The following PCDHGA2 variants were observed in gnomAD, a reference collection of about 807,000 sequenced individuals.
PCDHGA2 encodes protocadherin gamma-A2.
PCDHGA2 carries 40 observed loss-of-function variants against 59.2 expected under a neutral mutation model. The observed-to-expected ratio is 0.68, with a 90% CI of 0.52 to 0.88. The LOEUF is 0.88. Ranked by LOEUF, PCDHGA2 falls within the 40% of genes least tolerant of loss-of-function variation. The pLI is 0.00. For synonymous variants in PCDHGA2, 560 were observed against 526.0 expected, an observed-to-expected ratio of 1.06 and a Z score of -0.89; for missense variants, 1,226 against 1,204.0, an observed-to-expected ratio of 1.02 and a Z score of -0.27.
chr5:141,351,658 C>T, intron 1 of PCDHGA2: 2 of 1,614,064 alleles, frequency 1.2e-6, no homozygotes, highest in Non-Finnish European at 1.7e-6. Flanking sequence ...CTGGCGCCTC[C>T]ATTGCACAAG....
intron 1 of PCDHGA2, among the ~76,000 whole-genome samples, chr5:141,474,089 CAAACAACAACAA>C (rs985204397): frequency 3.3e-5 from 5 of 152,116 alleles, no homozygotes; most frequent in Admixed American, 2.0e-4. Flanking sequence ...AACCAAAAAA[CAAACAACAACAA>C]AAACAACAAC....
intron 1 of PCDHGA2, chr5:141,365,787 G>A (rs1764122554): frequency 1.2e-6 from 2 of 1,613,864 alleles, no homozygotes; most frequent in Middle Eastern, 1.6e-4. Context: ...GACAACGCTC[G>A]AGTCACCTAC....
At chr5:141,492,312 C>T (rs1470136040) in intron 1 of PCDHGA2, among the ~76,000 whole-genome samples, 2 of 152,348 alleles carry the variant, frequency 1.3e-5, no homozygotes, top group African/African-American at 4.8e-5. Flanking sequence ...CGCACGCACT[C>T]CTCGCACGTG....
intron 1 of PCDHGA2, among the ~76,000 whole-genome samples, chr5:141,368,537 T>C (rs1023071907): frequency 6.6e-6 from 1 of 152,224 alleles, no homozygotes; most frequent in Non-Finnish European, 1.5e-5. Context: ...AACTTGCTTT[T>C]CCATTTTTTT....
intron 2 of PCDHGA2, among the ~76,000 whole-genome samples, chr5:141,501,061 G>T (rs746369272): frequency 1.5e-4 from 23 of 152,118 alleles, no homozygotes; most frequent in Non-Finnish European, 2.1e-4. Flanking sequence ...TAGAGACGGG[G>T]TTTCACCATG....
rs1324977547 is a variant in PCDHGA2 at position 141,340,886 on chromosome 5, A to G, written c.1915A>G (p.Lys639Glu). 2 of 1,613,622 alleles carry G rather than the reference A, an allele frequency of 1.2e-6. No homozygotes were observed. Among genetic ancestry groups the G allele is most frequent in the South Asian group, 2.2e-5 (2 of 91,038 alleles). ...ARALLDRDAL[K>E]QSLVVAIQDH... ...AGCCCTGCTGGACAGAGACGCGCTCAAGCAGAGCCTCGTGGTGGCCATCCA... is the reference window on the plus strand; with the variant it reads ...AGCCCTGCTGGACAGAGACGCGCTCGAGCAGAGCCTCGTGGTGGCCATCCA... The change falls in exon 1 of 4, where the codon AAG becomes GAG. Residue 639 changes from lysine to glutamate, a missense_variant. Lys to Glu is a moderately conservative substitution (Grantham distance 56, BLOSUM62 1). Transcript: ENST00000394576.
chr5:141,501,836 T>G (rs2099811283), intron 2 of PCDHGA2, among the ~76,000 whole-genome samples: 1 of 152,136 alleles, frequency 6.6e-6, no homozygotes, highest in Non-Finnish European at 1.5e-5. Context: ...CCCACCTGTT[T>G]GGCCCTCAAC....
chr5:141,444,565 C>G (rs2098441175), intron 1 of PCDHGA2, among the ~76,000 whole-genome samples: 1 of 152,124 alleles, frequency 6.6e-6, no homozygotes, highest in Non-Finnish European at 1.5e-5. Flanking sequence ...TTATTTGACA[C>G]TTTTGACTCT....
chr5:141,413,198 C>G, intron 1 of PCDHGA2: 1 of 1,611,416 alleles, frequency 6.2e-7, no homozygotes, highest in Non-Finnish European at 8.5e-7. Context: ...AGGAATCGCT[C>G]AAAGGAATCA....
intron 1 of PCDHGA2, chr5:141,419,955 T>C: frequency 1.9e-6 from 3 of 1,614,096 alleles, no homozygotes; most frequent in Non-Finnish European, 2.5e-6. Flanking sequence ...TTGGCCTTGA[T>C]TTCTGTGCTC....
intron 1 of PCDHGA2, among the ~76,000 whole-genome samples, chr5:141,445,554 C>T (rs898901856): frequency 3.3e-5 from 5 of 152,102 alleles, no homozygotes; most frequent in African/African-American, 1.2e-4. Context: ...TACAAAAGCA[C>T]TAAGAGAAAG....
At chr5:141,356,196 G>A in intron 1 of PCDHGA2, 2 of 1,609,400 alleles carry the variant, frequency 1.2e-6, no homozygotes, top group Admixed American at 1.7e-5. Context: ...CTAGAAGCAA[G>A]GTACTGGTGA....
chr5:141,356,806 G>A, intron 1 of PCDHGA2: 1 of 1,614,010 alleles, frequency 6.2e-7, no homozygotes, highest in Non-Finnish European at 8.5e-7. Context: ...GACAGCCAGT[G>A]ACAGTGGAGA....
chr5:141,348,821 G>C (rs1026818776), intron 1 of PCDHGA2, among the ~76,000 whole-genome samples: 2 of 152,144 alleles, frequency 1.3e-5, no homozygotes, highest in Non-Finnish European at 2.9e-5. Flanking sequence ...AGGCTGTTTC[G>C]AATAGAGTAT....
chr5:141,370,916 T>C, intron 1 of PCDHGA2: 1 of 1,614,016 alleles, frequency 6.2e-7, no homozygotes, highest in Non-Finnish European at 8.5e-7. Context: ...ACCTCAGCCC[T>C]GATCCGCACT....
At chr5:141,457,933 TATTGGC>T (rs2098933012) in intron 1 of PCDHGA2, among the ~76,000 whole-genome samples, 2 of 152,206 alleles carry the variant, frequency 1.3e-5, no homozygotes, top group Non-Finnish European at 2.9e-5. Context: ...AAGGGGCTTT[TATTGGC>T]TCTGCATGTC....
intron 1 of PCDHGA2, chr5:141,360,970 T>C: frequency 6.2e-7 from 1 of 1,613,884 alleles, no homozygotes; most frequent in Non-Finnish European, 8.5e-7. Flanking sequence ...AGAGATCACC[T>C]ACTCCTTTCA....
At chr5:141,394,591 C>A in intron 1 of PCDHGA2, 2 of 1,613,762 alleles carry the variant, frequency 1.2e-6, no homozygotes, top group Non-Finnish European at 1.7e-6. Context: ...AAGGTGGTGG[C>A]GGTGGACAGA....
chr5:141,477,263 G>A lies in PCDHGA2; in HGVS notation c.2425-17544G>A, dbSNP rs543767777. 1.4e-5 allele frequency: 23 copies of A among 1,614,192 alleles called. No individual in the cohort carries two copies. The highest frequency in any genetic ancestry group is 1.8e-5 in the Non-Finnish European group (21 of 1,180,046). On this transcript the variant is annotated intron_variant, in intron 1 of 3. Transcript: ENST00000394576. The surrounding 1 kb of genome is among the most constrained non-coding windows in gnomAD (Gnocchi z 4.9). The stretch of plus-strand genomic sequence containing the variant: ...CAGTGTGACTGACCTGGATGCTGGC[G>A]AGAACGGGCTGGTGACCTGCGAAGT...
Sources: allele counts gnomAD v4.1 joint callset (sites outside exome capture counted in the v4.1 genomes callset), GRCh38; gene constraint gnomAD v4.1.1; non-coding constraint Gnocchi (gnomAD v3.1); transcripts MANE v1.5; gene names NCBI Gene and HGNC (gene_info 2026-07-23, HGNC 2026-07-21).